FASN: variants seen among roughly 807,000 people sequenced by gnomAD.
The protein encoded by FASN is 3-hydroxyacyl-[acyl-carrier-protein] dehydratase.
In FASN, 50 loss-of-function variants were observed where a neutral mutation model predicts 250.0. The observed-to-expected ratio is 0.20, with a 90% CI of 0.16 to 0.25. The LOEUF is 0.25. Ranked by LOEUF, FASN falls within the 10% of genes least tolerant of loss-of-function variation. FASN has a pLI of 1.00. For missense variants in FASN, 3,031 were observed against 3,498.5 expected (o/e 0.87, Z 3.37); for synonymous variants, 1,909 against 1,584.0 (o/e 1.21, Z -4.87).
In FASN at chr17:82,087,981, A is replaced by C; in HGVS notation, c.2839T>G (p.Ser947Ala). ...CTCACTACCAGGTTGCCGTTCTCTGACACCTCGAAGGCACGGGAGGCCTCC... is the reference window on the plus strand; with the variant it reads ...CTCACTACCAGGTTGCCGTTCTCTGCCACCTCGAAGGCACGGGAGGCCTCC... The part of the protein sequence containing the change: ...LLEASRAFEV[S>A]ENGNLVVSGK... Residue 947 changes from serine (S) to alanine (A), a missense_variant, in exon 18 of 43, where the codon TCA becomes GCA. Coordinates refer to ENST00000306749, the MANE Select transcript of FASN (RefSeq NM_004104.5). 1 of 1,612,642 alleles carries C rather than the reference A, an allele frequency of 6.2e-7. No individual in the cohort carries two copies. Among genetic ancestry groups the C allele is most frequent in the Non-Finnish European group, 8.5e-7 (1 of 1,179,924 alleles).
chr17:82,079,211 G>A lies in FASN; in HGVS notation c.7468C>T (p.Leu2490=). 3.1e-6 allele frequency: 5 copies of A among 1,612,980 alleles called. No individual in the cohort carries two copies. The highest frequency in any genetic ancestry group is 4.2e-6 in the Non-Finnish European group (5 of 1,179,946). ...TGGATGATGCTGATGATGGACTCCA[G>A]GCCGCTGCCCTCCAGCAGCGTGCGG... is the stretch of plus-strand genomic sequence containing the variant. ...DHRTLLEGSG[L]ESIISIIHSS... The change falls in exon 43 of 43, where the codon CTG becomes TTG. Residue 2490 remains leucine, a synonymous_variant. Coordinates refer to ENST00000306749, the MANE Select transcript of FASN (RefSeq NM_004104.5).
chr17:82,084,527 G>C lies in FASN; in HGVS notation c.4754C>G (p.Pro1585Arg). Residue 1585 changes from proline (P) to arginine (R), a missense_variant, in exon 27 of 43, where the codon CCT (proline) becomes CGT (arginine). By Grantham distance (103) the Pro-to-Arg change is moderately radical (BLOSUM62 -2). Coordinates refer to ENST00000306749, the MANE Select transcript of FASN (RefSeq NM_004104.5). Reference sequence around the variant, plus strand: ...GCCACCCATACCTGGGATGGCATCAGGGGACAGCTTGCCAGTGGCCAGCAT... The same window carrying C: ...GCCACCCATACCTGGGATGGCATCACGGGACAGCTTGCCAGTGGCCAGCAT... The part of the protein sequence containing the change: ...DIMLATGKLS[P>R]DAIPGKWTSQ... The C allele has an allele frequency of 6.2e-6, 10 of 1,610,264 alleles. No individual in the cohort carries two copies. The highest frequency in any genetic ancestry group is 8.5e-6 in the Non-Finnish European group (10 of 1,178,970).
chr17:82,083,681 C>G, intron 30 of FASN, 42 bp from the exon 31 acceptor site: 1 of 1,604,082 alleles, frequency 6.2e-7, no homozygotes, highest in Non-Finnish European at 8.5e-7. Context: ...CCACTGCAAG[C>G]CCAGCCACCA....
At chr17:82,089,472 G>A in intron 12 of FASN, 88 bp from the exon 13 acceptor site, 7 of 1,606,074 alleles carry the variant, frequency 4.4e-6, no homozygotes, top group East Asian at 2.2e-5. Context: ...TCACCCCAAG[G>A]GAACCGAGAG....
At chr17:82,092,223 C>T (rs2034223967) in intron 8 of FASN, among the ~76,000 whole-genome samples, 1 of 152,200 alleles carries the variant, frequency 6.6e-6, no homozygotes, top group African/African-American at 2.4e-5. Context: ...GGCAGACGCT[C>T]TGCAGGGCAT....
chr17:82,087,644 C>T (rs1187041303), intron 19 of FASN, 41 bp downstream of exon 19: 1 of 1,607,324 alleles, frequency 6.2e-7, no homozygotes, highest in South Asian at 1.1e-5. Flanking sequence ...ATGACGACCG[C>T]CCTCCCCGGT....
chr17:82,081,803 A>G lies in FASN; in HGVS notation c.6204T>C (p.Ile2068=). 6.2e-7 allele frequency: 1 copy of G among 1,611,798 alleles called. No individual in the cohort carries two copies. The highest frequency in any genetic ancestry group is 8.5e-7 in the Non-Finnish European group (1 of 1,179,758). ...CGTTGGTGCTCATCGTCTCCACCAA[A>G]ATGCCCACGTCGCCGATGGCGCCCC... ...VQWGAIGDVG[I]LVETMSTNDT... The change falls in exon 37 of 43, where the codon ATT becomes ATC. Residue 2068 remains isoleucine (I), a synonymous_variant. Coordinates refer to ENST00000306749, the MANE Select transcript of FASN (RefSeq NM_004104.5).
chr17:82,084,302 C>T lies in FASN; in HGVS notation c.4851G>A (p.Val1617=), dbSNP rs1451686422. 2 of 1,611,040 alleles carry T rather than the reference C, an allele frequency of 1.2e-6. No homozygotes were observed. The highest frequency in any genetic ancestry group is 2.2e-5 in the East Asian group (1 of 44,772). The change falls in exon 28 of 43, where the codon GTG becomes GTA. Residue 1617 remains valine (V), a synonymous_variant. Coordinates refer to ENST00000306749, the MANE Select transcript of FASN (RefSeq NM_004104.5). ...CAGAGGTGGCCAGGCCCTTGGCAGGCACCAGTCCCATCACACGCTTGCCGC... is the reference window on the plus strand; with the variant it reads ...CAGAGGTGGCCAGGCCCTTGGCAGGTACCAGTCCCATCACACGCTTGCCGC... ...DASGKRVMGL[V]PAKGLATSVL...
rs1414766071 is a variant in FASN at position 82,082,621 on chromosome 17, G to T, written c.5825C>A (p.Ser1942Tyr). The change falls in exon 34 of 43, where the codon TCC becomes TAC. Residue 1942 changes from serine to tyrosine, a missense_variant. By Grantham distance (144) the Ser-to-Tyr change is moderately radical. Coordinates refer to ENST00000306749, the MANE Select transcript of FASN (RefSeq NM_004104.5). ...WRRQGVQVQV[S>Y]TSNISSLEGA... ...CTCCAGTGAGCTGATGTTGCTGGTG[G>T]ACACCTGCACCTGTACGCCCTGGCG... 6.2e-7 allele frequency: 1 copy of T among 1,610,856 alleles called. No homozygotes were observed.
At position 82,080,218 on chromosome 17, in the gene FASN, G is replaced by C. The variant is rs769050337; in HGVS notation, c.7068C>G (p.Thr2356=). ...TCTCAGCCTCAGCCTCACAGCCTGG[G>C]GTCAGCTTTGCCCGGTAGCTCTGAG... is the stretch of plus-strand genomic sequence containing the variant. ...AYTQSYRAKL[T]PGCEAEAETE... The change falls in exon 41 of 43, where the codon ACC becomes ACG. Residue 2356 remains threonine, a synonymous_variant. Transcript: ENST00000306749. 17 of 1,613,040 alleles carry C rather than the reference G, an allele frequency of 1.1e-5. No homozygotes were observed. The highest frequency in any genetic ancestry group is 1.3e-5 in the Non-Finnish European group (15 of 1,180,022).
chr17:82,086,911 A>T, intron 21 of FASN, 139 bp downstream of exon 21: 1 of 903,984 alleles, frequency 1.1e-6, no homozygotes, highest in African/African-American at 1.7e-5. Flanking sequence ...CGCCATCGTG[A>T]GCTCCGGCCG....
chr17:82,085,509 C>T lies in FASN; in HGVS notation c.4095G>A (p.Pro1365=), dbSNP rs375265533. ...GGCTCAGGATGCCCTGGCCATACTG[C>T]GGCTCAGTGGAGGTGAGGAAGGCCA... The part of the protein sequence containing the change: ...DIVAFLTSTE[P]QYGQGILSQD... The change falls in exon 23 of 43, where the codon CCG becomes CCA. Residue 1365 remains proline (P), a synonymous_variant. Coordinates refer to ENST00000306749, the MANE Select transcript of FASN (RefSeq NM_004104.5). The T allele has an allele frequency of 2.9e-5, 47 of 1,594,398 alleles. No homozygotes were observed. Among genetic ancestry groups the T allele is most frequent in the East Asian group, 1.1e-4 (5 of 43,924 alleles).
chr17:82,087,053 T>C lies in FASN; in HGVS notation c.3424A>G (p.Lys1142Glu), dbSNP rs1207316436. ...AALQEELQLC[K>E]GLVQALQTKV... is the part of the protein sequence containing the mutation. ...GCCAGCAGGGCTGGGACCTCACCCT[T>C]GCACAGTTGCAGCTCCTCCTGCAGG... The change falls in exon 21 of 43, where the codon AAG becomes GAG. Residue 1142 changes from lysine to glutamate, a missense_variant. Lys to Glu is a moderately conservative substitution (Grantham distance 56). Coordinates refer to ENST00000306749, the MANE Select transcript of FASN (RefSeq NM_004104.5). 3.7e-6 allele frequency: 6 copies of C among 1,610,954 alleles called. No individual in the cohort carries two copies. The African/African-American group carries it at 5.3e-5, about 14-fold the overall frequency.
intron 4 of FASN, 29 bp downstream of exon 4, chr17:82,093,569 A>G (rs988348089): frequency 1.2e-6 from 2 of 1,612,356 alleles, no homozygotes; most frequent in African/African-American, 1.3e-5. Flanking sequence ...AAGGCCACCC[A>G]CCTCCGCAGG....
At position 82,093,343 on chromosome 17, in the gene FASN, G is replaced by A. The variant is rs772218434; in HGVS notation, c.531C>T (p.Ser177=). The change falls in exon 5 of 43, where the codon AGC becomes AGT. Residue 177 remains serine, a synonymous_variant. Coordinates refer to ENST00000306749, the MANE Select transcript of FASN (RefSeq NM_004104.5). Reference sequence around the variant, plus strand: ...CCACGATGGCGGCAGGGCACTGCCCGCTGTGGATGGCCTGGTAGGCGTTCT... The same window carrying A: ...CCACGATGGCGGCAGGGCACTGCCCACTGTGGATGGCCTGGTAGGCGTTCT... The part of the protein sequence containing the change: ...ALQNAYQAIH[S]GQCPAAIVGG... 2.0e-5 allele frequency: 32 copies of A among 1,602,664 alleles called. No homozygotes were observed. Among genetic ancestry groups the A allele is most frequent in the South Asian group, 4.5e-5 (4 of 89,026 alleles).
In FASN at chr17:82,079,140, G is replaced by A. The variant is rs1273814942; in HGVS notation, c.*3C>T. ...ACCTCCGGTGGCAGGCGGGGGCACG[G>A]GCCTAGCCCTCCCGCACGCTCACGC... On this transcript the variant is annotated 3_prime_UTR_variant, in exon 43 of 43. Transcript: ENST00000306749. The A allele has an allele frequency of 6.2e-7, 1 of 1,610,480 alleles. No individual in the cohort carries two copies. Among genetic ancestry groups the A allele is most frequent in the Non-Finnish European group, 8.5e-7 (1 of 1,179,870 alleles).
rs1309794414 is a variant in FASN at position 82,093,052 on chromosome 17, A to G, written c.656-33T>C. The G allele has an allele frequency of 3.7e-6, 6 of 1,609,080 alleles. No homozygotes were observed. The South Asian group carries it at 6.6e-5, about 18-fold the overall frequency. ...GAGCAGCACCTCAGGCCCGGGGCTC[A>G]GCCCCACGCCGGCCCCCACCCCACC... On this transcript the variant is annotated intron_variant, in intron 5 of 42. Transcript: ENST00000306749.
Position 82,090,960 on chromosome 17 carries a change from C to G in FASN, c.1602G>C (p.Val534=). 1 of 1,612,908 alleles carries G rather than the reference C, an allele frequency of 6.2e-7. No homozygotes were observed. The highest frequency in any genetic ancestry group is 8.5e-7 in the Non-Finnish European group (1 of 1,179,966). Residue 534 remains valine, a synonymous_variant, in exon 10 of 43, where the codon GTG becomes GTC. Coordinates refer to ENST00000306749, the MANE Select transcript of FASN (RefSeq NM_004104.5). ...CGTCTGTGCTCAGCAGCAGCTGTGACACCTTCAGGCCGAATGGCTTCACAG... is the reference window on the plus strand; with the variant it reads ...CGTCTGTGCTCAGCAGCAGCTGTGAGACCTTCAGGCCGAATGGCTTCACAG... ...DEAVKPFGLK[V]SQLLLSTDES...
chr17:82,095,581 T>C, intron 2 of FASN, 109 bp from the exon 3 acceptor site: 2 of 1,361,402 alleles, frequency 1.5e-6, no homozygotes, highest in Non-Finnish European at 2.0e-6. Context: ...GAGGACTCTC[T>C]GCTATGCCTG....
Sources: allele counts gnomAD v4.1 joint callset (sites outside exome capture counted in the v4.1 genomes callset), GRCh38; gene constraint gnomAD v4.1.1; transcripts MANE v1.5; gene names NCBI Gene and HGNC (gene_info 2026-07-23, HGNC 2026-07-21).